The following PCSK6 variants were observed in gnomAD, a reference collection of about 807,000 sequenced individuals.
PCSK6 encodes the protein paired basic amino acid cleaving enzyme 4.
A neutral mutation model predicts 123.3 loss-of-function variants in PCSK6; 85 were observed. That is an observed-to-expected ratio of 0.69 (90% CI 0.58 to 0.83). PCSK6 has a LOEUF of 0.83. Among genes scored for constraint, PCSK6 ranks in the 40% least tolerant of loss-of-function variants. The pLI, the probability that PCSK6 is intolerant of heterozygous loss-of-function variation, is 0.00. For missense variants in PCSK6, 1,191 were observed against 1,282.3 expected (o/e 0.93, Z 1.09); for synonymous variants, 508 against 516.0 (o/e 0.98, Z 0.21).
rs561355221 is a variant in PCSK6 at position 101,480,360 on chromosome 15, GC to G, written c.297+9013del. Reference sequence around the variant, plus strand: ...GCCACAGGTCGGGCGTGGCTGCGGGGCCCTGTGGAGCGCAGCTTGTTTATGC... The same window carrying G: ...GCCACAGGTCGGGCGTGGCTGCGGGGCCTGTGGAGCGCAGCTTGTTTATGC... On this transcript the variant is annotated intron_variant, in intron 1 of 21. Coordinates refer to ENST00000611716, the MANE Select transcript of PCSK6 (RefSeq NM_002570.5). Among the ~76,000 whole-genome samples the G allele has an allele frequency of 1.2e-4, 18 of 152,374 alleles. No homozygotes were observed. The East Asian group carries it at 3.3e-3, about 28-fold the overall frequency.
At chr15:101,366,701 A>G (rs1052832706) in intron 12 of PCSK6, among the ~76,000 whole-genome samples, 5 of 152,162 alleles carry the variant, frequency 3.3e-5, no homozygotes, top group Middle Eastern at 3.2e-3. Flanking sequence ...CCCAGCAACA[A>G]TCTTACAGAG....
intron 3 of PCSK6, 101 bp from the exon 4 acceptor site, chr15:101,431,564 TA>T: frequency 6.9e-7 from 1 of 1,439,190 alleles, no homozygotes; most frequent in Non-Finnish European, 9.6e-7. Context: ...GGCTTGCAAG[TA>T]AAAAAGGAGG....
chr15:101,468,360 A>G (rs942645439), intron 1 of PCSK6, among the ~76,000 whole-genome samples: 8 of 152,066 alleles, frequency 5.3e-5, no homozygotes, highest in African/African-American at 1.9e-4. Flanking sequence ...AGTGAGCCCC[A>G]CTTTGTTTAA....
intron 11 of PCSK6, 56 bp downstream of exon 11, chr15:101,382,036 A>G (rs997042484): frequency 3.4e-6 from 4 of 1,186,604 alleles, no homozygotes; most frequent in Admixed American, 4.0e-5. Context: ...CTTACAACAG[A>G]GTCAGCTCCA....
At chr15:101,316,831 G>C (rs1326910543) in intron 19 of PCSK6, among the ~76,000 whole-genome samples, 2 of 152,110 alleles carry the variant, frequency 1.3e-5, no homozygotes, top group South Asian at 2.1e-4. Flanking sequence ...CCGGCCACGT[G>C]GGGAGGGGTG....
intron 20 of PCSK6, 70 bp downstream of exon 20, chr15:101,313,306 C>A: frequency 6.2e-7 from 1 of 1,611,258 alleles, no homozygotes; most frequent in Non-Finnish European, 8.5e-7. Context: ...AAGATGCTGC[C>A]AGACTCTGCC....
intron 6 of PCSK6, among the ~76,000 whole-genome samples, chr15:101,415,791 T>A (rs2055866451): frequency 6.6e-6 from 1 of 152,224 alleles, no homozygotes; most frequent in African/African-American, 2.4e-5. Flanking sequence ...TCTGACAGGT[T>A]TATCACGGGT....
intron 1 of PCSK6, among the ~76,000 whole-genome samples, chr15:101,488,045 A>G (rs2058060175): frequency 6.6e-6 from 1 of 152,198 alleles, no homozygotes; most frequent in Non-Finnish European, 1.5e-5. Context: ...CCTTCATTCG[A>G]ATGGTGGAAT....
chr15:101,348,868 G>A lies in PCSK6; in HGVS notation c.1859-16837C>T, dbSNP rs78383608. Among the ~76,000 whole-genome samples the A allele has an allele frequency of 0.012, 1,821 of 152,268 alleles. 104 individuals carry two copies. The East Asian group carries it at 0.16, about 13-fold the overall frequency. ...CACCCTGAGGTCCAAATCCCGTTCA[G>A]GAGCTCCAGTGTCTGCGGCAGCCTG... is the stretch of plus-strand genomic sequence containing the variant. On this transcript the variant is annotated intron_variant, in intron 13 of 21. Coordinates refer to ENST00000611716, the MANE Select transcript of PCSK6 (RefSeq NM_002570.5).
intron 6 of PCSK6, among the ~76,000 whole-genome samples, chr15:101,402,645 A>C (rs924069782): frequency 2.0e-5 from 3 of 152,278 alleles, no homozygotes; most frequent in Non-Finnish European, 2.9e-5. Flanking sequence ...GAAGACATTT[A>C]TGCAGCCAAA....
At chr15:101,455,928 T>C (rs1490792224) in intron 1 of PCSK6, among the ~76,000 whole-genome samples, 1 of 151,814 alleles carries the variant, frequency 6.6e-6, no homozygotes, top group Non-Finnish European at 1.5e-5. Context: ...AAAAATGGCA[T>C]TTGGGATTTC....
At position 101,305,364 on chromosome 15, in the gene PCSK6, C is replaced by A. The variant is rs1165151785; in HGVS notation, c.2813-9G>T. 6.2e-7 allele frequency: 1 copy of A among 1,609,984 alleles called. No individual in the cohort carries two copies. The highest frequency in any genetic ancestry group is 1.1e-5 in the South Asian group (1 of 90,794). On this transcript the variant is annotated splice_polypyrimidine_tract_variant and intron_variant, in intron 21 of 21. Transcript: ENST00000611716. This position sits in a 1 kb window ranked among gnomAD's most constrained non-coding sequence, Gnocchi z 4.8. ...GCAGAATGTCTCGTCAGCTGGGGCCCCGCATCAGGAAAGGCAAAAGAGGGA... is the reference window on the plus strand; with the variant it reads ...GCAGAATGTCTCGTCAGCTGGGGCCACGCATCAGGAAAGGCAAAAGAGGGA...
intron 21 of PCSK6, among the ~76,000 whole-genome samples, chr15:101,306,281 G>A (rs973944777): frequency 6.6e-6 from 1 of 152,094 alleles, no homozygotes; most frequent in African/African-American, 2.4e-5. Flanking sequence ...TACATAACCT[G>A]GGCAGGTGAC....
intron 2 of PCSK6, 78 bp from the exon 3 acceptor site, chr15:101,432,178 G>T: frequency 1.7e-6 from 2 of 1,170,302 alleles, no homozygotes; most frequent in Non-Finnish European, 1.3e-6. Flanking sequence ...AGGTGCTACA[G>T]CCTTCCTTGT....
intron 13 of PCSK6, among the ~76,000 whole-genome samples, chr15:101,338,862 T>A (rs923279243): frequency 1.3e-5 from 2 of 152,206 alleles, no homozygotes; most frequent in Non-Finnish European, 2.9e-5. Context: ...GGGAATGTCA[T>A]TGTGAGAGGC....
chr15:101,455,895 G>C (rs772230165), intron 1 of PCSK6, among the ~76,000 whole-genome samples: 57 of 152,332 alleles, frequency 3.7e-4, no homozygotes, highest in Non-Finnish European at 6.9e-4. Context: ...AATAGACTTT[G>C]TGCAATTTTC....
In PCSK6 at chr15:101,331,927, G is replaced by A. The variant is rs1432200891; in HGVS notation, c.1963C>T (p.Pro655Ser). 2 of 1,613,888 alleles carry A rather than the reference G, an allele frequency of 1.2e-6. No homozygotes were observed. Among genetic ancestry groups the A allele is most frequent in the East Asian group, 4.5e-5 (2 of 44,884 alleles). Residue 655 changes from proline to serine, a missense_variant, in exon 14 of 22, where the codon CCA (proline) becomes TCA (serine). Physicochemically the swap from Pro to Ser is moderately conservative, Grantham distance 74. Around this residue, in one of 3 missense-constraint regions of PCSK6, gnomAD observed 630 missense variants for 631.4 expected, o/e 1.00. Transcript: ENST00000611716. ...GCAGCCTTGGGTGGCTCCAGCTCTG[G>A]GGCTGAGAGCTCCAGCATCCGCGAG... ...SRSRMLELSAPELEPPKAALS... is the reference protein window; with the variant it reads ...SRSRMLELSASELEPPKAALS...
At chr15:101,307,455 G>C (rs1184040163) in intron 20 of PCSK6, 130 bp from the exon 21 acceptor site, 10 of 647,206 alleles carry the variant, frequency 1.5e-5, no homozygotes, top group East Asian at 2.8e-5. Context: ...TGGAGAGGCT[G>C]TGTCGCCCAC....
At position 101,387,350 on chromosome 15, in the gene PCSK6, A is replaced by G. The variant is rs994786796; in HGVS notation, c.1310+2114T>C. Among the ~76,000 whole-genome samples, 3 of 152,196 alleles carry G rather than the reference A, an allele frequency of 2.0e-5. No homozygotes were observed. The South Asian group carries it at 6.2e-4, about 31-fold the overall frequency. On this transcript the variant is annotated intron_variant, in intron 9 of 21. Transcript: ENST00000611716. ...CCCATGCTGCCCGTGCAACCTGGCA[A>G]GTTACTGCTGTGTGTCAGCAGGGCG...
Sources: allele counts gnomAD v4.1 joint callset (sites outside exome capture counted in the v4.1 genomes callset), GRCh38; gene constraint gnomAD v4.1.1; regional missense constraint gnomAD v4.1.1; non-coding constraint Gnocchi (gnomAD v3.1); transcripts MANE v1.5; gene names NCBI Gene and HGNC (gene_info 2026-07-23, HGNC 2026-07-21).